The following IL1RAPL1 variants were observed in gnomAD, a reference collection of about 807,000 sequenced individuals.
IL1RAPL1 encodes interleukin-1 receptor accessory protein-like 1.
Under a neutral mutation model 48.4 loss-of-function variants are expected in IL1RAPL1, and 3 were observed. The observed-to-expected ratio is 0.06, with a 90% CI of 0.03 to 0.16. IL1RAPL1 has a LOEUF of 0.16. Ranked by LOEUF, IL1RAPL1 falls within the 10% of genes least tolerant of loss-of-function variation. The pLI is 1.00. For synonymous variants in IL1RAPL1, 185 were observed against 187.7 expected (o/e 0.99, Z 0.12); for missense variants, 349 against 530.6 (o/e 0.66, Z 3.36).
At chrX:28,798,621 T>C (rs1228776511) in intron 2 of IL1RAPL1, among the ~76,000 whole-genome samples, 1 of 112,105 alleles carries the variant, frequency 8.9e-6, no homozygotes, top group Non-Finnish European at 1.9e-5. Flanking sequence ...TAGAGAACAT[T>C]ATTTAGCTTA....
intron 3 of IL1RAPL1, among the ~76,000 whole-genome samples, chrX:29,334,905 T>C (rs1414391844): frequency 7.1e-5 from 8 of 112,821 alleles, no homozygotes; most frequent in Admixed American, 1.8e-4. Flanking sequence ...ATCTCGGCAC[T>C]TTGGGGGGCC....
At chrX:29,165,273 C>T (rs139468175) in intron 2 of IL1RAPL1, among the ~76,000 whole-genome samples, 5 of 111,470 alleles carry the variant, frequency 4.5e-5, no homozygotes, top group Non-Finnish European at 7.5e-5. Context: ...CAGCGGAGAT[C>T]GCGCCATTAC....
intron 1 of IL1RAPL1, among the ~76,000 whole-genome samples, chrX:28,609,981 C>T (rs956854818): frequency 1.5e-4 from 17 of 111,572 alleles, no homozygotes; most frequent in Non-Finnish European, 2.4e-4. Context: ...CAAGTCTTGT[C>T]ATAATAAGTC....
At chrX:29,237,283 TAA>T (rs1274480004) in intron 2 of IL1RAPL1, among the ~76,000 whole-genome samples, 1 of 112,068 alleles carries the variant, frequency 8.9e-6, no homozygotes, top group African/African-American at 3.2e-5. Context: ...ATCTTGCATT[TAA>T]GTTTGTAGAT....
intron 5 of IL1RAPL1, among the ~76,000 whole-genome samples, chrX:29,489,432 A>G (rs1935132437): frequency 8.9e-6 from 1 of 112,022 alleles, no homozygotes; most frequent in South Asian, 3.7e-4. Flanking sequence ...TAATTATAAG[A>G]TGCTAAGCTA....
chrX:29,046,217 A>AG (rs1926967787), intron 2 of IL1RAPL1, among the ~76,000 whole-genome samples: 1 of 79,674 alleles, frequency 1.3e-5, no homozygotes, highest in African/African-American at 8.8e-5. Context: ...CTAGCTAATT[A>AG]AAAAAAAAAA....
intron 6 of IL1RAPL1, among the ~76,000 whole-genome samples, chrX:29,763,056 T>G (rs1433375473): frequency 9.1e-6 from 1 of 110,118 alleles, no homozygotes; most frequent in Non-Finnish European, 1.9e-5. Flanking sequence ...TTTTGTTTTT[T>G]TTTTTTTTGA....
chrX:28,834,747 A>T (rs4893594), intron 2 of IL1RAPL1, among the ~76,000 whole-genome samples: 13,501 of 111,090 alleles, frequency 0.12, 1,419 homozygotes, highest in African/African-American at 0.33. Flanking sequence ...TCTGACAAGT[A>T]GACTGTGCAT....
intron 5 of IL1RAPL1, among the ~76,000 whole-genome samples, chrX:29,527,215 C>T (rs1005781968): frequency 4.7e-5 from 5 of 107,433 alleles, no homozygotes; most frequent in African/African-American, 6.8e-5. Flanking sequence ...AAGCCATACA[C>T]GAGAATAAAC....
intron 5 of IL1RAPL1, among the ~76,000 whole-genome samples, chrX:29,606,246 G>A (rs1252457376): frequency 8.9e-6 from 1 of 111,788 alleles, no homozygotes; most frequent in Non-Finnish European, 1.9e-5. Context: ...CATGTAGCAA[G>A]ATGAGATTTC....
At chrX:29,392,775 C>T (rs1933869305) in intron 3 of IL1RAPL1, among the ~76,000 whole-genome samples, 1 of 112,126 alleles carries the variant, frequency 8.9e-6, no homozygotes, top group South Asian at 3.7e-4. Flanking sequence ...TTTAATTCAA[C>T]TTTAGTCATT....
chrX:28,886,536 C>G (rs184254075), intron 2 of IL1RAPL1, among the ~76,000 whole-genome samples: 26 of 108,908 alleles, frequency 2.4e-4, no homozygotes, highest in Non-Finnish European at 4.4e-4. Context: ...AAAAAAGCTT[C>G]TCTTGGAAAA....
At chrX:29,168,776 T>A in intron 2 of IL1RAPL1, among the ~76,000 whole-genome samples, 1 of 95,415 alleles carries the variant, frequency 1.0e-5, no homozygotes, top group African/African-American at 3.6e-5. Flanking sequence ...TGTACAATTG[T>A]ATATATATAT....
At chrX:29,202,270 C>T (rs1930571140) in intron 2 of IL1RAPL1, among the ~76,000 whole-genome samples, 1 of 111,767 alleles carries the variant, frequency 8.9e-6, no homozygotes, top group Non-Finnish European at 1.9e-5. Context: ...AGCTCAACAT[C>T]ACTGATCATT....
chrX:29,955,666 A>G lies in IL1RAPL1; in HGVS notation c.1937A>G (p.Gln646Arg). ...GTLPLTSIGN[Q>R]HTYCNIPMTL... ...CTGCCTCTTACCTCCATAGGCAATCAGCATACCTACTGTAACATCCCTATG... is the reference window on the plus strand; with the variant it reads ...CTGCCTCTTACCTCCATAGGCAATCGGCATACCTACTGTAACATCCCTATG... Residue 646 changes from glutamine to arginine, a missense_variant, in exon 11 of 11, where the codon CAG (glutamine) becomes CGG (arginine). Physicochemically the swap from Gln to Arg is conservative, Grantham distance 43. Coordinates refer to ENST00000378993, the MANE Select transcript of IL1RAPL1 (RefSeq NM_014271.4). 1 of 1,211,658 alleles carries G rather than the reference A, an allele frequency of 8.3e-7. No individual in the cohort carries two copies. Among genetic ancestry groups the G allele is most frequent in the Non-Finnish European group, 1.1e-6 (1 of 895,328 alleles).
In IL1RAPL1 at chrX:29,933,163, A is replaced by G. The variant is rs1932974311; in HGVS notation, c.1058-8488A>G. 5.4e-5 allele frequency among the ~76,000 whole-genome samples: 6 copies of G among 111,000 alleles called. No homozygotes were observed. In the Admixed American group the frequency reaches 5.8e-4, roughly 11 times the overall value. On this transcript the variant is annotated intron_variant, in intron 8 of 10. Coordinates refer to ENST00000378993, the MANE Select transcript of IL1RAPL1 (RefSeq NM_014271.4). ...AACACAGGGACACAGGGAGGGGAAC[A>G]TCACACACCGGGGCCTGTCTCAGGG...
chrX:29,856,148 T>C (rs1166426068), intron 6 of IL1RAPL1, among the ~76,000 whole-genome samples: 2 of 111,648 alleles, frequency 1.8e-5, no homozygotes, highest in African/African-American at 6.5e-5. Flanking sequence ...CCAGCACGAG[T>C]TGAGAAACTG....
intron 3 of IL1RAPL1, among the ~76,000 whole-genome samples, chrX:29,354,903 G>A: frequency 8.9e-6 from 1 of 111,939 alleles, no homozygotes; most frequent in Non-Finnish European, 1.9e-5. Flanking sequence ...TATATACATG[G>A]GTGATACCCA....
chrX:29,303,330 A>G (rs1217351984), intron 3 of IL1RAPL1, among the ~76,000 whole-genome samples: 4 of 112,007 alleles, frequency 3.6e-5, no homozygotes. Flanking sequence ...CATGCATTAA[A>G]TGTTAGGGGT....
Sources: allele counts gnomAD v4.1 joint callset (sites outside exome capture counted in the v4.1 genomes callset), GRCh38; gene constraint gnomAD v4.1.1; transcripts MANE v1.5; gene names NCBI Gene and HGNC (gene_info 2026-07-23, HGNC 2026-07-21).